NOL4L: variants seen among roughly 807,000 people sequenced by gnomAD.
The protein encoded by NOL4L is nucleolar protein 4-like.
A neutral mutation model predicts 64.5 loss-of-function variants in NOL4L; 7 were observed. That is an observed-to-expected ratio of 0.11 (90% CI 0.06 to 0.20). The LOEUF (loss-of-function observed/expected upper bound fraction) is 0.20, where lower values mean the gene tolerates loss of function less well. Ranked by LOEUF, NOL4L falls within the 10% of genes least tolerant of loss-of-function variation. NOL4L has a pLI of 1.00. For missense variants in NOL4L, 680 were observed against 967.1 expected, an observed-to-expected ratio of 0.70 and a Z score of 3.94; for synonymous variants, 413 against 401.0, an observed-to-expected ratio of 1.03 and a Z score of -0.36.
At chr20:32,488,753 TCCTTCC>T (rs1568647255) in intron 4 of NOL4L, among the ~76,000 whole-genome samples, 5 of 50,550 alleles carry the variant, frequency 9.9e-5, no homozygotes, top group African/African-American at 6.9e-4. Context: ...TTCTTTTCCT[TCCTTCC>T]TTCCTTCCTT....
chr20:32,576,504 T>C (rs554280490), intron 1 of NOL4L, among the ~76,000 whole-genome samples: 1 of 152,288 alleles, frequency 6.6e-6, no homozygotes, highest in East Asian at 1.9e-4. Flanking sequence ...ATGAATGACC[T>C]GGGCTTGGGA....
intron 3 of NOL4L, among the ~76,000 whole-genome samples, chr20:32,516,606 G>A (rs1410050360): frequency 1.3e-5 from 2 of 152,174 alleles, no homozygotes; most frequent in African/African-American, 2.4e-5. Context: ...TCTGGTTAGA[G>A]GCTCCCAGGA....
intron 1 of NOL4L, among the ~76,000 whole-genome samples, chr20:32,567,427 T>A (rs1005021465): frequency 6.6e-5 from 10 of 152,162 alleles, no homozygotes; most frequent in Non-Finnish European, 1.3e-4. Flanking sequence ...CATGGAGGAT[T>A]GTTCTCCCTT....
chr20:32,582,223 A>T (rs924390641), intron 1 of NOL4L: 19 of 152,156 alleles, frequency 1.2e-4, no homozygotes, highest in African/African-American at 4.6e-4. Flanking sequence ...GTGTTTGTCG[A>T]TCTCCTGGCA....
intron 1 of NOL4L, chr20:32,536,335 G>T (rs1218252943): frequency 3.0e-6 from 3 of 985,026 alleles, no homozygotes; most frequent in Non-Finnish European, 3.6e-6. Flanking sequence ...GCGCGCTAAC[G>T]AGCGGAGAGC....
At chr20:32,485,742 C>A (rs539653152) in intron 4 of NOL4L, 3 of 470,856 alleles carry the variant, frequency 6.4e-6, no homozygotes, top group South Asian at 4.7e-5. Flanking sequence ...TGTTTCCAAA[C>A]GCGGGAACTG....
Position 32,537,113 on chromosome 20 carries a change from T to G in NOL4L, c.322-9200A>C, listed in dbSNP as rs551613068. ...CTTTGTGCAGGGCGGTACCATTCGA[T>G]CTTGCCAGCTCTCCTTCAGGGAGCG... is the stretch of plus-strand genomic sequence containing the variant. On this transcript the variant is annotated intron_variant, in intron 1 of 10. Transcript: ENST00000621426. The G allele has an allele frequency of 3.9e-5, 38 of 985,222 alleles. No individual in the cohort carries two copies. In the East Asian group the frequency reaches 3.4e-3, roughly 89 times the overall value. 61.0% of individuals were successfully genotyped at this position (985,222 alleles called of 1,614,324 possible).
intron 5 of NOL4L, among the ~76,000 whole-genome samples, chr20:32,470,468 G>C (rs1176583707): frequency 3.9e-5 from 6 of 152,258 alleles, no homozygotes; most frequent in African/African-American, 1.4e-4. Flanking sequence ...CTGGCTCTCA[G>C]GGTGCTTATG....
intron 4 of NOL4L, among the ~76,000 whole-genome samples, chr20:32,488,265 G>A (rs951748224): frequency 6.6e-6 from 1 of 152,124 alleles, no homozygotes; most frequent in Non-Finnish European, 1.5e-5. Context: ...TACAAACTGT[G>A]GTAGACAGTC....
intron 4 of NOL4L, among the ~76,000 whole-genome samples, chr20:32,502,607 C>G (rs976405536): frequency 1.4e-5 from 2 of 146,840 alleles, no homozygotes; most frequent in South Asian, 4.4e-4. Flanking sequence ...AGTATTCTAT[C>G]TATAAAAATA....
At chr20:32,476,264 A>G (rs2145486341) in intron 4 of NOL4L, among the ~76,000 whole-genome samples, 1 of 151,906 alleles carries the variant, frequency 6.6e-6, no homozygotes, top group East Asian at 1.9e-4. Flanking sequence ...CAAAGGGTAC[A>G]AAGGGACAAC....
Position 32,511,187 on chromosome 20 carries a change from C to T in NOL4L, c.699+160G>A, listed in dbSNP as rs2017385707. ...CCTCTCACGAGAAACACATTCTTGC[C>T]TCCCGCCTCTCCGCCTGGACAACCC... On this transcript the variant is annotated intron_variant, in intron 4 of 10. Coordinates refer to ENST00000621426, the MANE Select transcript of NOL4L (RefSeq NM_001256798.2). 8.9e-6 allele frequency: 5 copies of T among 563,022 alleles called. No homozygotes were observed. The African/African-American group carries it at 9.4e-5, about 11-fold the overall frequency. 34.9% of individuals were successfully genotyped at this position (563,022 alleles called of 1,614,324 possible). A position where few individuals can be genotyped will look rare whatever the true frequency, so the allele number is the denominator to read the frequency against.
At chr20:32,540,958 C>T (rs2018643116) in intron 1 of NOL4L, among the ~76,000 whole-genome samples, 1 of 150,746 alleles carries the variant, frequency 6.6e-6, no homozygotes, top group Non-Finnish European at 1.5e-5. Flanking sequence ...GGTTGCCCCA[C>T]CGATCTCATG....
intron 1 of NOL4L, among the ~76,000 whole-genome samples, chr20:32,558,221 C>T (rs570654717): frequency 6.6e-6 from 1 of 152,348 alleles, no homozygotes; most frequent in East Asian, 1.9e-4. Context: ...CTGCTGACAA[C>T]TGACAACTGG....
chr20:32,552,444 T>C (rs1978361569), intron 1 of NOL4L, among the ~76,000 whole-genome samples: 1 of 152,156 alleles, frequency 6.6e-6, no homozygotes. Context: ...CCCAACACTT[T>C]GGGAGGCCAA....
intron 4 of NOL4L, among the ~76,000 whole-genome samples, chr20:32,492,447 T>G (rs945637647): frequency 3.3e-5 from 5 of 152,194 alleles, no homozygotes; most frequent in Non-Finnish European, 5.9e-5. Context: ...ACAAAGGGTC[T>G]TTAGGGTGGT....
intron 4 of NOL4L, among the ~76,000 whole-genome samples, chr20:32,481,967 G>GGC (rs1395080562): frequency 9.3e-5 from 14 of 150,466 alleles, no homozygotes; most frequent in East Asian, 8.1e-4. Flanking sequence ...GGCGGGGCGG[G>GGC]GGGGGGGGAG....
chr20:32,582,149 G>C (rs1193065829), intron 1 of NOL4L: 1 of 152,246 alleles, frequency 6.6e-6, no homozygotes, highest in African/African-American at 2.4e-5. Flanking sequence ...CTCGGGACCA[G>C]CAGGCCAGGC....
chr20:32,536,469 A>T, intron 1 of NOL4L: 1 of 147,616 alleles, frequency 6.8e-6, no homozygotes, highest in Non-Finnish European at 1.2e-5. Flanking sequence ...CGCCGCTGAC[A>T]GCTGCTCGGG....
Sources: allele counts gnomAD v4.1 joint callset (sites outside exome capture counted in the v4.1 genomes callset), GRCh38; gene constraint gnomAD v4.1.1; transcripts MANE v1.5; gene names NCBI Gene and HGNC (gene_info 2026-07-23, HGNC 2026-07-21).